The following FAHD1 variants were observed in gnomAD, a reference collection of about 807,000 sequenced individuals.
FAHD1 encodes FAH domain containing oxaloacetate decarboxylase 1.
A neutral mutation model predicts 12.7 loss-of-function variants in FAHD1; 14 were observed. That is an observed-to-expected ratio of 1.10 (90% CI 0.73 to 1.72). FAHD1 has a LOEUF of 1.72. Among genes scored for constraint, FAHD1 ranks in the 40% most tolerant of loss-of-function variants. The probability of loss-of-function intolerance (pLI) is 0.00; values close to 1 mark genes in which losing one functional copy is unlikely to be tolerated. For missense variants in FAHD1, 351 were observed against 298.9 expected, an observed-to-expected ratio of 1.17 and a Z score of -1.29; for synonymous variants, 153 against 124.9, an observed-to-expected ratio of 1.22 and a Z score of -1.50.
In FAHD1 at chr16:1,828,816, C is replaced by T. The variant is rs115144764; in HGVS notation, c.*912C>T. On this transcript the variant is annotated 3_prime_UTR_variant, in exon 1 of 1. Transcript: ENST00000427358. ...AGTGAACAAGTAATGAAGATTTCAC[C>T]TGTTTACTTAGGGTATCTACCCAGA... 46 of 997,316 alleles carry T rather than the reference C, an allele frequency of 4.6e-5. No homozygotes were observed. The African/African-American group carries it at 7.3e-4, about 16-fold the overall frequency. 61.8% of individuals were successfully genotyped at this position (997,316 alleles called of 1,614,324 possible).
At chr16:1,835,537 G>T (rs963326436) in intron 1 of FAHD1, among the ~76,000 whole-genome samples, 1 of 152,126 alleles carries the variant, frequency 6.6e-6, no homozygotes, top group Non-Finnish European at 1.5e-5. Flanking sequence ...GGAAAACTGG[G>T]AAAGACTTTA....
intron 1 of FAHD1, among the ~76,000 whole-genome samples, chr16:1,837,529 CCT>C (rs1195920732): frequency 6.6e-6 from 1 of 152,082 alleles, no homozygotes; most frequent in African/African-American, 2.4e-5. Flanking sequence ...AGCCCTTTCC[CCT>C]GTTTTGGATT....
At position 1,827,744 on chromosome 16, in the gene FAHD1, T is replaced by A. The variant is rs759211556; in HGVS notation, c.506T>A (p.Ile169Asn). ...TCCATGATTTTTTCCATCCCCTACA[T>A]CATCAGCTATGTTTCTAAGATCATA... Residue 169 changes from isoleucine to asparagine, a missense_variant, in exon 1 of 1, where the codon ATC (isoleucine) becomes AAC (asparagine). Physicochemically the swap from Ile to Asn is moderately radical, Grantham distance 149. Transcript: ENST00000427358. 13 of 1,613,988 alleles carry A rather than the reference T, an allele frequency of 8.1e-6. No individual in the cohort carries two copies. The Admixed American group carries it at 2.2e-4, about 27-fold the overall frequency.
chr16:1,839,268 G>C (rs765002919), exon 3 of FAHD1: 14 of 1,606,974 alleles, frequency 8.7e-6, no homozygotes, highest in Non-Finnish European at 1.2e-5. Context: ...GCAGCCCAAA[G>C]TCTCCTCAGC....
intron 1 of FAHD1, among the ~76,000 whole-genome samples, chr16:1,835,295 G>A (rs895220864): frequency 2.0e-5 from 3 of 151,950 alleles, no homozygotes; most frequent in Admixed American, 2.0e-4. Flanking sequence ...TATGAAAAAG[G>A]GCTTAATGTG....
exon 1 of FAHD1, chr16:1,827,378 C>A: frequency 6.2e-7 from 1 of 1,612,460 alleles, no homozygotes; most frequent in South Asian, 1.1e-5. Flanking sequence ...AAGCCGTCCA[C>A]GGCCTACGCG....
At chr16:1,827,623 A>C (rs749488492) in exon 1 of FAHD1, 1 of 1,614,010 alleles carries the variant, frequency 6.2e-7, no homozygotes, top group South Asian at 1.1e-5. Context: ...CTGCCCGGTC[A>C]GCGCGTTCGT....
exon 1 of FAHD1, chr16:1,827,699 G>T (rs1211754300): frequency 1.2e-6 from 2 of 1,614,056 alleles, no homozygotes; most frequent in African/African-American, 2.7e-5. Flanking sequence ...GGCGAACTCA[G>T]ACAGGAGGGT....
exon 3 of FAHD1, chr16:1,839,355 AAGAC>A: frequency 6.2e-7 from 1 of 1,614,218 alleles, no homozygotes; most frequent in African/African-American, 1.3e-5. Context: ...GAAACTGAGA[AAGAC>A]AGATTTAAAG....
At chr16:1,837,959 T>A in intron 1 of FAHD1, 1 of 1,447,088 alleles carries the variant, frequency 6.9e-7, no homozygotes, top group Non-Finnish European at 9.2e-7. Context: ...ACTTTCTCAT[T>A]AGAAATGAAA....
chr16:1,839,517 C>T lies in FAHD1; in HGVS notation c.*264C>T, dbSNP rs549412571. On this transcript the variant is annotated 3_prime_UTR_variant, in exon 3 of 3. Transcript: ENST00000382666. Reference sequence around the variant, plus strand: ...ATCTGTAGCAGAAAAAGAATTGTCACTAAAAACTCTACGACAGTGTGTGGA... The same window carrying T: ...ATCTGTAGCAGAAAAAGAATTGTCATTAAAAACTCTACGACAGTGTGTGGA... The T allele has an allele frequency of 1.1e-4, 144 of 1,307,016 alleles. 3 individuals carry two copies. In the South Asian group the frequency reaches 1.9e-3, roughly 17 times the overall value. 81.0% of individuals were successfully genotyped at this position (1,307,016 alleles called of 1,614,324 possible).
chr16:1,834,397 G>C (rs760501834), intron 1 of FAHD1: 4 of 1,232,866 alleles, frequency 3.2e-6, no homozygotes, highest in Non-Finnish European at 4.7e-6. Context: ...AGAGACAAAA[G>C]GTTAATTTTT....
downstream of FAHD1, chr16:1,829,042 C>G: frequency 2.2e-6 from 1 of 462,444 alleles, no homozygotes; most frequent in African/African-American, 2.1e-5. Flanking sequence ...AGTTAATCAG[C>G]AACTGTACTT....
At chr16:1,839,461 A>T in exon 3 of FAHD1, 1 of 1,583,048 alleles carries the variant, frequency 6.3e-7, no homozygotes, top group South Asian at 1.1e-5. Flanking sequence ...AAAGACAATG[A>T]TAAAATGTGA....
chr16:1,827,721 C>G (rs772309233), exon 1 of FAHD1: 2 of 1,614,128 alleles, frequency 1.2e-6, no homozygotes, highest in South Asian at 1.1e-5. Context: ...AGACATCCTC[C>G]ATGATTTTTT....
In FAHD1 at chr16:1,828,338, C is replaced by T. The variant is rs932399433; in HGVS notation, c.*434C>T. The T allele has an allele frequency of 5.0e-6, 5 of 994,690 alleles. No homozygotes were observed. The African/African-American group carries it at 5.3e-5, about 11-fold the overall frequency. 61.6% of individuals were successfully genotyped at this position (994,690 alleles called of 1,614,324 possible). On this transcript the variant is annotated 3_prime_UTR_variant, in exon 1 of 1. Coordinates refer to ENST00000427358, the Ensembl canonical transcript of FAHD1. The stretch of plus-strand genomic sequence containing the variant: ...ATGATTAGATTGCTATGCCTCAACT[C>T]ATAGAAGATGAACCCTTCAAGAAAA...
rs769628893 is a variant in FAHD1 at position 1,827,233 on chromosome 16, G to T, written c.-6G>T. 4.6e-5 allele frequency: 73 copies of T among 1,598,116 alleles called. No homozygotes were observed. In the East Asian group the frequency reaches 1.1e-3, roughly 24 times the overall value. On this transcript the variant is annotated 5_prime_UTR_variant, in exon 1 of 1. An upstream open reading frame in the 5' UTR gains an earlier in-frame stop. Coordinates refer to ENST00000427358, the Ensembl canonical transcript of FAHD1. ...CACGTGACTACAGGGGCACTTGATG[G>T]GAATCATGGCAGCATCCAGGCCATT... is the stretch of plus-strand genomic sequence containing the variant.
downstream of FAHD1, among the ~76,000 whole-genome samples, chr16:1,830,940 A>ACC (rs144646301): frequency 1.1e-4 from 11 of 98,448 alleles, no homozygotes; most frequent in African/African-American, 3.7e-4. Flanking sequence ...ACACACACAC[A>ACC]CACACCCATA....
chr16:1,831,585 T>A (rs34705505), downstream of FAHD1, among the ~76,000 whole-genome samples: 1 of 151,994 alleles, frequency 6.6e-6, no homozygotes, highest in Non-Finnish European at 1.5e-5. Context: ...GATTGCACAC[T>A]TTTCAGATGC....
Sources: gnomAD v4.1 joint callset for allele counts (sites outside exome capture counted in the v4.1 genomes callset) on GRCh38, gnomAD v4.1.1 for gene constraint, MANE v1.5 for transcripts, NCBI Gene and HGNC (gene_info 2026-07-23, HGNC 2026-07-21) for gene names.